Variants in KRT6C observed in about 807,000 individuals in gnomAD.
The protein encoded by KRT6C is keratin, type II cytoskeletal 6C.
In KRT6C, 46 loss-of-function variants were observed where a neutral mutation model predicts 49.4. That is an observed-to-expected ratio of 0.93 (90% CI 0.74 to 1.19). The LOEUF (loss-of-function observed/expected upper bound fraction) is 1.19. Ranked by LOEUF, KRT6C falls within the 50% of genes most tolerant of loss-of-function variation. KRT6C has a pLI of 0.00. For synonymous variants in KRT6C, 236 were observed against 297.1 expected, an observed-to-expected ratio of 0.79 and a Z score of 2.12; for missense variants, 552 against 737.5, an observed-to-expected ratio of 0.75 and a Z score of 2.91.
Position 52,473,643 on chromosome 12 carries a change from C to G in KRT6C, c.95G>C (p.Gly32Ala), listed in dbSNP as rs1937932811. ...SARLPGVSRS[G>A]FSSISVSRSR... is the part of the protein sequence containing the mutation. ...GCGGGACACGGAGATGCTGCTGAAG[C>G]CAGAGCGGCTGACCCCAGGGAGCCT... The change falls in exon 1 of 9, where the codon GGC becomes GCC. Residue 32 changes from glycine to alanine, a missense_variant. Coordinates refer to ENST00000252250, the MANE Select transcript of KRT6C (RefSeq NM_173086.5). The G allele has an allele frequency of 6.2e-7, 1 of 1,611,862 alleles. No homozygotes were observed. Among genetic ancestry groups the G allele is most frequent in the Admixed American group, 1.7e-5 (1 of 59,788 alleles).
chr12:52,468,945 T>A lies in KRT6C; in HGVS notation c.*117A>T, dbSNP rs554804860. Reference sequence around the variant, plus strand: ...AGGGCACTAAGCATCCATACCCAGCTCTACCTCGGAGAGCAGGGAAGACTA... The same window carrying A: ...AGGGCACTAAGCATCCATACCCAGCACTACCTCGGAGAGCAGGGAAGACTA... On this transcript the variant is annotated 3_prime_UTR_variant, in exon 9 of 9. Coordinates refer to ENST00000252250, the MANE Select transcript of KRT6C (RefSeq NM_173086.5). The A allele has an allele frequency of 2.1e-4, 286 of 1,343,656 alleles. 1 individual carries two copies. The highest frequency in any genetic ancestry group is 2.8e-4 in the Non-Finnish European group (267 of 958,978). 83.2% of individuals were successfully genotyped at this position (1,343,656 alleles called of 1,614,324 possible). A position where few individuals can be genotyped will look rare whatever the true frequency, so the allele number is the denominator to read the frequency against.
chr12:52,469,781 T>G lies in KRT6C; in HGVS notation c.1313A>C (p.Lys438Thr). The G allele has an allele frequency of 6.2e-7, 1 of 1,614,130 alleles. No individual in the cohort carries two copies. Among genetic ancestry groups the G allele is most frequent in the Non-Finnish European group, 8.5e-7 (1 of 1,179,996 alleles). The change falls in exon 7 of 9, where the codon AAG becomes ACG. Residue 438 changes from lysine to threonine, a missense_variant. By Grantham distance (78) the Lys-to-Thr change is moderately conservative. This residue lies in a region of KRT6C where 425 missense variants were observed against 439.4 expected (regional missense o/e 0.97). Transcript: ENST00000252250. Reference protein sequence around the residue: ...EGLEDALQKAKQDLARLLKEY... With the variant: ...EGLEDALQKATQDLARLLKEY... Reference sequence around the variant, plus strand: ...CTTCAGCAGCCGGGCCAGGTCCTGCTTGGCCTTCTGCAGGGCATCCTCCAG... The same window carrying G: ...CTTCAGCAGCCGGGCCAGGTCCTGCGTGGCCTTCTGCAGGGCATCCTCCAG...
rs148291888 is a variant in KRT6C at position 52,470,464 on chromosome 12, C to A, written c.1203+41G>T. ...GCTAATGACTGCCTGATGGGTCTAG[C>A]AAAAAATGATGCTTCTTTCCTCCAC... On this transcript the variant is annotated intron_variant, in intron 6 of 8. Transcript: ENST00000252250. 3.1e-6 allele frequency: 5 copies of A among 1,613,952 alleles called. No individual in the cohort carries two copies. The Admixed American group carries it at 8.3e-5, about 27-fold the overall frequency.
At position 52,469,071 on chromosome 12, in the gene KRT6C, G is replaced by A. The variant is rs201858772; in HGVS notation, c.1686C>T (p.Tyr562=). The A allele has an allele frequency of 6.8e-6, 11 of 1,614,146 alleles. No individual in the cohort carries two copies. Among genetic ancestry groups the A allele is most frequent in the South Asian group, 6.6e-5 (6 of 91,074 alleles). ...AGCTGGAGGCAGCACTTTAGTGCTT[G>A]TAGCTCTTCCTGCTGGAGGAGGAGG... ...TTTSSSSRKS[Y]KH Residue 562 remains tyrosine, a synonymous_variant, in exon 9 of 9, where the codon TAC becomes TAT. Transcript: ENST00000252250.
intron 2 of KRT6C, 140 bp downstream of exon 2, chr12:52,471,926 G>C (rs1937892958): frequency 9.0e-7 from 1 of 1,115,106 alleles, no homozygotes; most frequent in Admixed American, 2.0e-5. Context: ...ATAACCATCT[G>C]TGGTTCTTGC....
intron 2 of KRT6C, 46 bp from the exon 3 acceptor site, chr12:52,471,778 T>C (rs754189537): frequency 1.2e-6 from 2 of 1,613,144 alleles, no homozygotes; most frequent in Non-Finnish European, 1.7e-6. Flanking sequence ...GTGGGTAGGA[T>C]GAAACAGAAA....
chr12:52,469,144 C>G lies in KRT6C; in HGVS notation c.1613G>C (p.Gly538Ala), dbSNP rs71453291. Residue 538 changes from glycine (G) to alanine (A), a missense_variant, in exon 9 of 9, where the codon GGC becomes GCC. Physicochemically the swap from Gly to Ala is moderately conservative, Grantham distance 60. Coordinates refer to ENST00000252250, the MANE Select transcript of KRT6C (RefSeq NM_173086.5). ...SSSSGRAIGG[G>A]LSSVGGGSST... ...ACTGCCGCCTCCAACAGAGCTGAGG[C>G]CACCCCCAATGGCTCTGCCACTGCT... The G allele has an allele frequency of 0.028, 45,679 of 1,614,032 alleles. 781 individuals are homozygous for G. The highest frequency in any genetic ancestry group is 0.034 in the Non-Finnish European group (39,876 of 1,179,906).
At chr12:52,469,348 G>A (rs1437802232) in intron 8 of KRT6C, 51 bp from the exon 9 acceptor site, 1 of 1,613,870 alleles carries the variant, frequency 6.2e-7, no homozygotes, top group Admixed American at 1.7e-5. Context: ...AGCTCATCCT[G>A]CCGGCCTGAG....
chr12:52,469,649 G>A (rs1346138040), intron 7 of KRT6C, 21 bp downstream of exon 7: 6 of 1,614,190 alleles, frequency 3.7e-6, no homozygotes, highest in Non-Finnish European at 5.1e-6. Context: ...GCTGTTGGAG[G>A]AAGTCGCGTC....
intron 5 of KRT6C, 138 bp from the exon 6 acceptor site, chr12:52,470,768 A>AAT (rs1937864103): frequency 6.4e-7 from 1 of 1,565,450 alleles, no homozygotes; most frequent in Admixed American, 1.7e-5. Flanking sequence ...AGTTGATGTT[A>AAT]TGTGGTGGGT....
intron 6 of KRT6C, 185 bp from the exon 7 acceptor site, chr12:52,470,075 C>G: frequency 1.3e-6 from 1 of 744,446 alleles, no homozygotes; most frequent in Non-Finnish European, 2.2e-6. Flanking sequence ...AAGTCCTATG[C>G]CCCTTGTATT....
intron 1 of KRT6C, 61 bp from the exon 2 acceptor site, chr12:52,472,341 T>A: frequency 1.5e-6 from 2 of 1,344,764 alleles, no homozygotes; most frequent in Admixed American, 2.0e-5. Flanking sequence ...GTGTCTGGTA[T>A]CCAGTTTCCT....
At position 52,472,281 on chromosome 12, in the gene KRT6C, C is replaced by T; in HGVS notation, c.541-1G>A. Reference sequence around the variant, plus strand: ...TGTTCTGCTGCTCTAGGAACCGCACCTGGAAGGGAAGCAAGATGGTCATTT... The same window carrying T: ...TGTTCTGCTGCTCTAGGAACCGCACTTGGAAGGGAAGCAAGATGGTCATTT... On this transcript the variant is annotated splice_acceptor_variant, in intron 1 of 8. Transcript: ENST00000252250. LOFTEE classifies it high-confidence loss of function. 9 of 1,409,720 alleles carry T rather than the reference C, an allele frequency of 6.4e-6. 1 individual carries two copies. The highest frequency in any genetic ancestry group is 8.8e-6 in the Non-Finnish European group (9 of 1,021,192). The allele number at this position is 1,409,720 out of a possible 1,614,324, so 87.3% of individuals were successfully genotyped here.
chr12:52,472,665 C>T (rs1937908607), intron 1 of KRT6C, among the ~76,000 whole-genome samples: 1 of 135,512 alleles, frequency 7.4e-6, no homozygotes, highest in Non-Finnish European at 1.7e-5. Context: ...CTCATGATTA[C>T]ATTTCAGTCT....
chr12:52,469,416 T>C lies in KRT6C; in HGVS notation c.1454A>G (p.Asn485Ser). The part of the protein sequence containing the change: ...RLNGEGVGQV[N>S]VSVVQSTISS... ...AGGCAAGCAAAGGTACTTACAGACG[T>C]TGACTTGTCCAACGCCTTCGCCATT... The change falls in exon 8 of 9, where the codon AAC (asparagine) becomes AGC (serine). Residue 485 changes from asparagine to serine, a missense_variant. Asn to Ser is a conservative substitution (Grantham distance 46). Around this residue, in one of 3 missense-constraint regions of KRT6C, gnomAD observed 425 missense variants for 439.4 expected, o/e 0.97. Coordinates refer to ENST00000252250, the MANE Select transcript of KRT6C (RefSeq NM_173086.5). 1.9e-6 allele frequency: 3 copies of C among 1,613,904 alleles called. No homozygotes were observed. Among genetic ancestry groups the C allele is most frequent in the African/African-American group, 2.7e-5 (2 of 75,040 alleles).
At chr12:52,473,111 C>G in intron 1 of KRT6C, 87 bp downstream of exon 1, 1 of 1,366,566 alleles carries the variant, frequency 7.3e-7, no homozygotes, top group Non-Finnish European at 1.0e-6. Context: ...CCTTCTCCCT[C>G]CCTCCTAGGT....
intron 4 of KRT6C, 51 bp downstream of exon 4, chr12:52,471,370 C>T: frequency 6.2e-7 from 1 of 1,614,150 alleles, no homozygotes; most frequent in South Asian, 1.1e-5. Context: ...TACATCTTCT[C>T]CCCTTTGCAG....
intron 7 of KRT6C, 98 bp downstream of exon 7, chr12:52,469,572 C>A (rs573377754): frequency 6.2e-7 from 1 of 1,612,668 alleles, no homozygotes; most frequent in African/African-American, 1.3e-5. Flanking sequence ...TCAAGAAGAG[C>A]AATTACGGCC....
rs762353486 is a variant in KRT6C, at chr12:52,469,878, G to A, written c.1216C>T (p.Gln406Ter). ...DHVKKQCASL[Q>*]AAIADAEQRG... ...TGCTCAGCATCAGCAATGGCAGCCT[G>A]CAGGCTGGCACACTAGGAGGGGAAA... Residue 406 changes from glutamine (Q) to a stop codon, truncating the protein, a stop_gained, in exon 7 of 9, where the codon CAG (glutamine) becomes TAG (stop). Coordinates refer to ENST00000252250, the MANE Select transcript of KRT6C (RefSeq NM_173086.5). LOFTEE classifies it high-confidence loss of function. 18 of 1,614,144 alleles carry A rather than the reference G, an allele frequency of 1.1e-5. No homozygotes were observed. The highest frequency in any genetic ancestry group is 1.4e-5 in the Non-Finnish European group (16 of 1,180,032).
Sources: gnomAD v4.1 joint callset for allele counts (sites outside exome capture counted in the v4.1 genomes callset) on GRCh38, gnomAD v4.1.1 for gene constraint, gnomAD v4.1.1 regional missense constraint, MANE v1.5 for transcripts, NCBI Gene and HGNC (gene_info 2026-07-23, HGNC 2026-07-21) for gene names.